GCSH: variants seen among roughly 807,000 people sequenced by gnomAD.
GCSH encodes the protein glycine cleavage system H protein, mitochondrial.
A neutral mutation model predicts 21.3 loss-of-function variants in GCSH; 15 were observed. The ratio of observed to expected loss-of-function variants is 0.70; its 90% CI spans 0.47 to 1.08. The LOEUF is 1.08. GCSH is among the 50% of genes least tolerant of loss of function. GCSH has a pLI of 0.00. For synonymous variants in GCSH, 59 were observed against 84.5 expected, an observed-to-expected ratio of 0.70 and a Z score of 1.66; for missense variants, 179 against 217.5, an observed-to-expected ratio of 0.82 and a Z score of 1.11.
At chr16:81,093,697 C>T (rs562613267) in intron 1 of GCSH, among the ~76,000 whole-genome samples, 6 of 151,896 alleles carry the variant, frequency 4.0e-5, no homozygotes, top group Admixed American at 1.3e-4. Context: ...AAAAATTGGC[C>T]GGGTATGGTG....
At chr16:81,092,509 G>A (rs1208159365) in intron 1 of GCSH, among the ~76,000 whole-genome samples, 3 of 152,012 alleles carry the variant, frequency 2.0e-5, no homozygotes, top group African/African-American at 7.2e-5. Flanking sequence ...GGGAGGCCGA[G>A]GCGGGTGGAT....
Position 81,087,475 on chromosome 16 carries a change from G to A in GCSH, c.292+126C>T, listed in dbSNP as rs376744303. 7.6e-5 allele frequency: 56 copies of A among 737,324 alleles called. No individual in the cohort carries two copies. The African/African-American group carries it at 8.0e-4, about 10-fold the overall frequency. The allele number at this position is 737,324 out of a possible 1,614,324, so 45.7% of individuals were successfully genotyped here. On this transcript the variant is annotated intron_variant, in intron 3 of 4. Transcript: ENST00000315467. ...ATGGTGCCACTGCACTCCAGCCTGG[G>A]TGACAAAGCAAGACTGTCTCCAAAA... is the stretch of plus-strand genomic sequence containing the variant.
At chr16:81,091,706 T>C (rs149002899) in intron 1 of GCSH, among the ~76,000 whole-genome samples, 6 of 152,170 alleles carry the variant, frequency 3.9e-5, no homozygotes, top group Admixed American at 1.3e-4. Flanking sequence ...CAAAGGATAG[T>C]AGTACTTAAA....
chr16:81,096,009 C>T lies in GCSH; in HGVS notation c.148+122G>A, dbSNP rs553910638. 25 of 820,428 alleles carry T rather than the reference C, an allele frequency of 3.0e-5. 1 individual carries two copies. In the South Asian group the frequency reaches 5.9e-4, roughly 19 times the overall value. The allele number at this position is 820,428 out of a possible 1,614,324, so 50.8% of individuals were successfully genotyped here. A position where few individuals can be genotyped will look rare whatever the true frequency, so the allele number is the denominator to read the frequency against. On this transcript the variant is annotated intron_variant, in intron 1 of 4. Transcript: ENST00000315467. Reference sequence around the variant, plus strand: ...AACAGAAATAAGAAGGGGGCAGGGTCCGCGCTCGCTCCGCCCCGGTGGCTC... The same window carrying T: ...AACAGAAATAAGAAGGGGGCAGGGTTCGCGCTCGCTCCGCCCCGGTGGCTC...
At chr16:81,091,940 C>G (rs1300103086) in intron 1 of GCSH, among the ~76,000 whole-genome samples, 4 of 152,050 alleles carry the variant, frequency 2.6e-5, no homozygotes, top group Admixed American at 6.6e-5. Context: ...TTCAATATTG[C>G]TTTCTTTTCC....
chr16:81,087,876 C>G (rs1489466924), intron 2 of GCSH, among the ~76,000 whole-genome samples: 2 of 152,154 alleles, frequency 1.3e-5, no homozygotes, highest in Non-Finnish European at 2.9e-5. Context: ...GTAATCCCAG[C>G]ACTTTGAAAG....
chr16:81,089,363 T>A (rs1449689340), intron 2 of GCSH, among the ~76,000 whole-genome samples: 1 of 152,152 alleles, frequency 6.6e-6, no homozygotes, highest in Non-Finnish European at 1.5e-5. Flanking sequence ...AAGTTTCAGA[T>A]TTTTGGAGTA....
Position 81,090,641 on chromosome 16 carries a change from T to C in GCSH, c.188A>G (p.Glu63Gly). The change falls in exon 2 of 5, where the codon GAA becomes GGA. Residue 63 changes from glutamate (E) to glycine (G), a missense_variant. Glu to Gly is a moderately conservative substitution (Grantham distance 98). Coordinates refer to ENST00000315467, the MANE Select transcript of GCSH (RefSeq NM_004483.5). Reference sequence around the variant, plus strand: ...GATTCCCACTGTTCCAATGCCATTTTCTGTTGTTACCCATTCGTGTTTCTC... The same window carrying C: ...GATTCCCACTGTTCCAATGCCATTTCCTGTTGTTACCCATTCGTGTTTCTC... ...FTEKHEWVTT[E>G]NGIGTVGISN... 6.2e-7 allele frequency: 1 copy of C among 1,613,222 alleles called. No individual in the cohort carries two copies. Among genetic ancestry groups the C allele is most frequent in the Non-Finnish European group, 8.5e-7 (1 of 1,179,178 alleles).
chr16:81,092,023 T>G (rs1972408883), intron 1 of GCSH, among the ~76,000 whole-genome samples: 2 of 152,192 alleles, frequency 1.3e-5, no homozygotes, highest in South Asian at 4.1e-4. Flanking sequence ...ACTAAGAAAT[T>G]TATTTTGCTT....
In GCSH at chr16:81,096,135, G is replaced by A. The variant is rs878873164; in HGVS notation, c.144C>T (p.Leu48=). The A allele has an allele frequency of 9.5e-6, 12 of 1,266,662 alleles. No individual in the cohort carries two copies. Among genetic ancestry groups the A allele is most frequent in the Non-Finnish European group, 1.2e-5 (12 of 1,007,348 alleles). 78.5% of individuals were successfully genotyped at this position (1,266,662 alleles called of 1,614,324 possible). ...VRTLRTGPAL[L]SVRKFTEKHE... ...CCACGTGCCCGCCGCGCTTACCCGA[G>A]AGCAGAGCGGGTCCAGTGCGCAGCG... The change falls in exon 1 of 5, where the codon CTC becomes CTT. Residue 48 remains leucine (L), a synonymous_variant. Transcript: ENST00000315467.
At chr16:81,094,060 G>A (rs1231180676) in intron 1 of GCSH, among the ~76,000 whole-genome samples, 8 of 151,820 alleles carry the variant, frequency 5.3e-5, no homozygotes, top group African/African-American at 1.5e-4. Flanking sequence ...CACCACGCCC[G>A]ACTAATTTTT....
intron 4 of GCSH, chr16:81,083,857 T>C (rs1723148797): frequency 7.7e-6 from 1 of 130,382 alleles, no homozygotes; most frequent in African/African-American, 2.6e-5. Context: ...TCACACAATA[T>C]GAGTGGCTGC....
chr16:81,083,117 A>G (rs1972202598), intron 4 of GCSH, 154 bp from the exon 5 acceptor site: 1 of 681,152 alleles, frequency 1.5e-6, no homozygotes, highest in Admixed American at 2.3e-5. Flanking sequence ...TAGCCTTAAG[A>G]ATTAAAATAC....
chr16:81,088,074 T>C (rs1046073735), intron 2 of GCSH, among the ~76,000 whole-genome samples: 2 of 151,876 alleles, frequency 1.3e-5, no homozygotes, highest in African/African-American at 4.8e-5. Context: ...TGCAGTGAGT[T>C]GAGATTGCAC....
chr16:81,094,417 AG>A (rs1449942724), intron 1 of GCSH, among the ~76,000 whole-genome samples: 1 of 151,680 alleles, frequency 6.6e-6, no homozygotes, highest in African/African-American at 2.4e-5. Context: ...AGGCAGGAGA[AG>A]TGTTTGAACC....
intron 3 of GCSH, among the ~76,000 whole-genome samples, chr16:81,085,012 GCT>G (rs1491154794): frequency 7.5e-5 from 7 of 93,840 alleles, no homozygotes; most frequent in African/African-American, 3.0e-4. Context: ...ACTGCACCTG[GCT>G]CTTTTTTTTT....
At position 81,096,344 on chromosome 16, in the gene GCSH, A is replaced by T. The variant is rs1243567215; in HGVS notation, c.-66T>A. The stretch of plus-strand genomic sequence containing the variant: ...ACCCGCGCCGGGAGGCGGGGCGGGG[A>T]GGGGCAGTTCGCGGCCGGAGGGAGC... On this transcript the variant is annotated 5_prime_UTR_variant, in exon 1 of 5. Coordinates refer to ENST00000315467, the MANE Select transcript of GCSH (RefSeq NM_004483.5). 48 of 1,314,382 alleles carry T rather than the reference A, an allele frequency of 3.7e-5. 1 individual carries two copies. In the East Asian group the frequency reaches 1.5e-3, roughly 42 times the overall value. 81.4% of individuals were successfully genotyped at this position (1,314,382 alleles called of 1,614,324 possible).
intron 4 of GCSH, chr16:81,083,226 A>T (rs1425809093): frequency 2.2e-6 from 1 of 454,340 alleles, no homozygotes; most frequent in Non-Finnish European, 4.1e-6. Flanking sequence ...ATGACATTTA[A>T]ATCTTTAAGG....
intron 1 of GCSH, among the ~76,000 whole-genome samples, chr16:81,094,961 C>T (rs892454602): frequency 2.0e-5 from 3 of 151,964 alleles, no homozygotes; most frequent in African/African-American, 4.8e-5. Context: ...GAGGTGGTGA[C>T]GGGCGCCAGT....
Sources: allele counts gnomAD v4.1 joint callset (sites outside exome capture counted in the v4.1 genomes callset), GRCh38; gene constraint gnomAD v4.1.1; transcripts MANE v1.5; gene names NCBI Gene and HGNC (gene_info 2026-07-23, HGNC 2026-07-21).